Variants in RARB observed in about 807,000 individuals in gnomAD.
RARB encodes the protein retinoic acid receptor beta.
A neutral mutation model predicts 51.9 loss-of-function variants in RARB; 17 were observed. The observed-to-expected ratio is 0.33, with a 90% CI of 0.22 to 0.49. The LOEUF is 0.49. RARB is among the 20% of genes least tolerant of loss of function. The probability of loss-of-function intolerance (pLI) is 0.99; values close to 1 mark genes in which losing one functional copy is unlikely to be tolerated. For missense variants in RARB, 369 were observed against 550.8 expected (o/e 0.67, Z 3.30); for synonymous variants, 215 against 195.4 (o/e 1.10, Z -0.84).
rs140953661 is a variant in RARB at position 25,590,337 on chromosome 3, G to C, written c.787-3166G>C. ...GGCAATTTGCAATGTCCTAAATCCT[G>C]GTCTTTTGTTCCTTTCCGACAAATC... On this transcript the variant is annotated intron_variant, in intron 5 of 7. Transcript: ENST00000330688. Among the ~76,000 whole-genome samples, 6 of 152,232 alleles carry C rather than the reference G, an allele frequency of 3.9e-5. No individual in the cohort carries two copies. The East Asian group carries it at 1.2e-3, about 29-fold the overall frequency.
chr3:24,925,877 C>T (rs1227175872), intron 2 of RARB, among the ~76,000 whole-genome samples: 3 of 151,954 alleles, frequency 2.0e-5, no homozygotes, highest in African/African-American at 7.3e-5. Flanking sequence ...CATTTGTGGG[C>T]TTGTCTCTTA....
intron 2 of RARB, among the ~76,000 whole-genome samples, chr3:24,888,260 A>G (rs1037103170): frequency 6.6e-6 from 1 of 152,204 alleles, no homozygotes; most frequent in Non-Finnish European, 1.5e-5. Flanking sequence ...ACACTTGCAT[A>G]GTCCTTGGTG....
At chr3:25,333,257 C>G (rs552885547) in intron 5 of RARB, among the ~76,000 whole-genome samples, 1 of 152,036 alleles carries the variant, frequency 6.6e-6, no homozygotes, top group African/African-American at 2.4e-5. Context: ...GGAGGCATCA[C>G]GCTACCTGAC....
intron 3 of RARB, among the ~76,000 whole-genome samples, chr3:25,110,134 T>A (rs149997465): frequency 6.6e-6 from 1 of 152,176 alleles, no homozygotes; most frequent in African/African-American, 2.4e-5. Flanking sequence ...AGGAGTGGTA[T>A]CCTCCAAAAA....
chr3:25,573,244 G>T (rs573766343), intron 4 of RARB, among the ~76,000 whole-genome samples: 2 of 152,194 alleles, frequency 1.3e-5, no homozygotes, highest in South Asian at 4.2e-4. Context: ...AAACTATCGT[G>T]CATTCCAATT....
At chr3:25,113,341 G>C (rs1403724215) in intron 3 of RARB, among the ~76,000 whole-genome samples, 1 of 152,120 alleles carries the variant, frequency 6.6e-6, no homozygotes, top group African/African-American at 2.4e-5. Context: ...ATATGTTTTA[G>C]CATCACTGTA....
At chr3:24,860,080 C>A (rs1018246073) in intron 2 of RARB, among the ~76,000 whole-genome samples, 2 of 152,136 alleles carry the variant, frequency 1.3e-5, no homozygotes, top group African/African-American at 4.8e-5. Context: ...GTTTGTGATG[C>A]TGCCAGGATC....
intron 5 of RARB, among the ~76,000 whole-genome samples, chr3:25,269,741 C>T (rs1296686635): frequency 6.6e-6 from 1 of 152,138 alleles, no homozygotes; most frequent in Non-Finnish European, 1.5e-5. Flanking sequence ...TATCCTAAAA[C>T]ATCTTTTTTA....
intron 2 of RARB, among the ~76,000 whole-genome samples, chr3:24,949,214 C>T (rs998407757): frequency 2.6e-5 from 4 of 152,108 alleles, no homozygotes; most frequent in African/African-American, 7.2e-5. Flanking sequence ...ATTTGCTGAC[C>T]AGGCGTGAAC....
chr3:25,408,013 C>G (rs1707458182), intron 5 of RARB, among the ~76,000 whole-genome samples: 1 of 152,164 alleles, frequency 6.6e-6, no homozygotes, highest in South Asian at 2.1e-4. Context: ...CATCTCTTTA[C>G]TGTCTCATTT....
chr3:25,285,711 G>C (rs1241939565), intron 5 of RARB, among the ~76,000 whole-genome samples: 1 of 152,208 alleles, frequency 6.6e-6, no homozygotes, highest in African/African-American at 2.4e-5. Context: ...AGAGGACGCA[G>C]TGTGACTATG....
chr3:25,538,676 G>T (rs947317351), intron 3 of RARB, among the ~76,000 whole-genome samples: 2 of 152,166 alleles, frequency 1.3e-5, no homozygotes, highest in African/African-American at 4.8e-5. Flanking sequence ...TTTTATAAAA[G>T]TATTTGTCCA....
intron 3 of RARB, among the ~76,000 whole-genome samples, chr3:25,116,452 A>G (rs149856424): frequency 1.2e-4 from 19 of 152,162 alleles, no homozygotes; most frequent in African/African-American, 4.3e-4. Flanking sequence ...AGTCGAGAAT[A>G]TAGGAAAATA....
intron 7 of RARB, among the ~76,000 whole-genome samples, chr3:25,596,150 CAATCTAACT>C (rs1701816599): frequency 6.6e-6 from 1 of 152,160 alleles, no homozygotes. Flanking sequence ...GTTGAGAACC[CAATCTAACT>C]AACTTTGCAA....
chr3:25,258,484 G>C (rs1006229204), intron 5 of RARB, among the ~76,000 whole-genome samples: 1 of 152,080 alleles, frequency 6.6e-6, no homozygotes. Flanking sequence ...ATCTAGCAAG[G>C]GTAAAGAATT....
intron 5 of RARB, among the ~76,000 whole-genome samples, chr3:25,263,105 A>C (rs1703046208): frequency 6.6e-6 from 1 of 152,202 alleles, no homozygotes; most frequent in Non-Finnish European, 1.5e-5. Flanking sequence ...TGAGTTATGC[A>C]TGTTAATGAT....
chr3:25,120,219 A>G (rs971750577), intron 3 of RARB, among the ~76,000 whole-genome samples: 5 of 152,148 alleles, frequency 3.3e-5, no homozygotes, highest in Non-Finnish European at 5.9e-5. Context: ...CAGATGAAAG[A>G]CGATAAATGG....
chr3:25,576,258 G>A (rs1357581224), intron 4 of RARB, among the ~76,000 whole-genome samples: 1 of 152,126 alleles, frequency 6.6e-6, no homozygotes, highest in Non-Finnish European at 1.5e-5. Context: ...TTCTAGTCAT[G>A]AGAAAAAGCA....
upstream of RARB, among the ~76,000 whole-genome samples, chr3:25,424,543 A>AG (rs1239016780): frequency 1.3e-5 from 2 of 152,176 alleles, no homozygotes; most frequent in Non-Finnish European, 2.9e-5. Flanking sequence ...GGGGATTAAC[A>AG]GGGAAAAAAA....
Sources: gnomAD v4.1 joint callset for allele counts (sites outside exome capture counted in the v4.1 genomes callset) on GRCh38, gnomAD v4.1.1 for gene constraint, MANE v1.5 for transcripts, NCBI Gene and HGNC (gene_info 2026-07-23, HGNC 2026-07-21) for gene names.